The following MAP2K6 variants were observed in gnomAD, a reference collection of about 807,000 sequenced individuals.
MAP2K6 encodes the protein dual specificity mitogen-activated protein kinase kinase 6.
In MAP2K6, 16 loss-of-function variants were observed where a neutral mutation model predicts 53.7. The ratio of observed to expected loss-of-function variants is 0.30; its 90% confidence interval spans 0.20 to 0.45. The LOEUF (loss-of-function observed/expected upper bound fraction) is 0.45. Ranked by LOEUF, MAP2K6 falls within the 20% of genes least tolerant of loss-of-function variation. The probability of loss-of-function intolerance (pLI) is 1.00; values close to 1 mark genes in which losing one functional copy is unlikely to be tolerated. For synonymous variants in MAP2K6, 132 were observed against 143.1 expected, an observed-to-expected ratio of 0.92 and a Z score of 0.55; for missense variants, 204 against 411.9, an observed-to-expected ratio of 0.50 and a Z score of 4.37.
At chr17:69,468,824 CAAAAG>C (rs751807629) in intron 1 of MAP2K6, among the ~76,000 whole-genome samples, 17 of 152,028 alleles carry the variant, frequency 1.1e-4, no homozygotes, top group Non-Finnish European at 2.1e-4. Flanking sequence ...TAAAACAAAA[CAAAAG>C]AAAACAGAAC....
intron 1 of MAP2K6, among the ~76,000 whole-genome samples, chr17:69,503,586 T>C (rs541950721): frequency 6.6e-6 from 1 of 152,302 alleles, no homozygotes; most frequent in Non-Finnish European, 1.5e-5. Flanking sequence ...CGAAGCATAT[T>C]TTTTCCTGGC....
chr17:69,431,994 G>A (rs1313564593), intron 1 of MAP2K6, among the ~76,000 whole-genome samples: 1 of 152,160 alleles, frequency 6.6e-6, no homozygotes, highest in Non-Finnish European at 1.5e-5. Context: ...TGCATATGAG[G>A]CATTAACCCC....
chr17:69,486,855 AC>A (rs1310206974), intron 1 of MAP2K6, among the ~76,000 whole-genome samples: 9 of 152,208 alleles, frequency 5.9e-5, no homozygotes, highest in Non-Finnish European at 1.3e-4. Flanking sequence ...CTGGTGTGGT[AC>A]CCTTCTCAAA....
intron 1 of MAP2K6, among the ~76,000 whole-genome samples, chr17:69,465,623 CT>C (rs142876473): frequency 8.0e-4 from 116 of 144,136 alleles, no homozygotes; most frequent in Middle Eastern, 3.5e-3. Context: ...TTGTTTTTTT[CT>C]TTTTTTTTTT....
In MAP2K6 at chr17:69,491,123, CCTTCCTTCCTTT is replaced by C. The variant is rs565116558; in HGVS notation, c.17-14647_17-14636del. Among the ~76,000 whole-genome samples the C allele has an allele frequency of 4.0e-3, 581 of 146,840 alleles. 3 individuals are homozygous for C. The highest frequency in any genetic ancestry group is 4.1e-3 in the Non-Finnish European group (279 of 67,656). ...CATTGTCTTTTTTCCTTCCTTCCTT[CCTTCCTTCCTTT>C]CTTCCTTCCCTCCTTCCTTCTTTTT... On this transcript the variant is annotated intron_variant, in intron 1 of 11. Coordinates refer to ENST00000590474, the MANE Select transcript of MAP2K6 (RefSeq NM_002758.4).
chr17:69,438,129 G>A (rs571878564), intron 1 of MAP2K6, among the ~76,000 whole-genome samples: 7 of 152,370 alleles, frequency 4.6e-5, no homozygotes, highest in African/African-American at 1.4e-4. Context: ...ACCTTTCCGA[G>A]GGGGACAGGA....
chr17:69,526,889 A>C (rs578178049), intron 10 of MAP2K6, among the ~76,000 whole-genome samples, 180 bp downstream of exon 10: 1 of 152,184 alleles, frequency 6.6e-6, no homozygotes, highest in Non-Finnish European at 1.5e-5. Context: ...CACTGAGCCC[A>C]AAGTCAAGTA....
intron 4 of MAP2K6, among the ~76,000 whole-genome samples, chr17:69,518,783 C>T (rs1229545145): frequency 6.6e-6 from 1 of 152,200 alleles, no homozygotes; most frequent in African/African-American, 2.4e-5. Flanking sequence ...TGTAAGGCTA[C>T]ATTTCCTAGT....
intron 1 of MAP2K6, among the ~76,000 whole-genome samples, chr17:69,463,401 G>A (rs1907688054): frequency 2.0e-5 from 3 of 146,838 alleles, no homozygotes; most frequent in Non-Finnish European, 4.5e-5. Context: ...ATAATTATAT[G>A]TATATATATC....
rs2145129728 is a variant in MAP2K6 at position 69,423,979 on chromosome 17, T to C, written c.16+8979T>C. ...AAAAATAACTCTCCTGCTACCACCA[T>C]TGCCTGGCTTGTTGGTTATCATCAT... On this transcript the variant is annotated intron_variant, in intron 1 of 11. Transcript: ENST00000590474. Among the ~76,000 whole-genome samples the C allele has an allele frequency of 2.6e-5, 4 of 152,292 alleles. No homozygotes were observed. In the South Asian group the frequency reaches 8.3e-4, roughly 32 times the overall value.
chr17:69,457,306 C>T (rs769552226), intron 1 of MAP2K6, among the ~76,000 whole-genome samples: 3 of 152,194 alleles, frequency 2.0e-5, no homozygotes, highest in Non-Finnish European at 4.4e-5. Context: ...CCTGTCTTAT[C>T]TGATGCCTGT....
At chr17:69,446,742 C>T (rs1473636104) in intron 1 of MAP2K6, among the ~76,000 whole-genome samples, 2 of 152,092 alleles carry the variant, frequency 1.3e-5, no homozygotes, top group Non-Finnish European at 1.5e-5. Context: ...ATTTGAGTAC[C>T]CCCCACAGAC....
At chr17:69,511,306 T>G (rs72855568) in intron 2 of MAP2K6, among the ~76,000 whole-genome samples, 5,042 of 152,252 alleles carry the variant, frequency 0.033, 229 homozygotes, top group African/African-American at 0.099. Flanking sequence ...AGGCTTAAAT[T>G]TGTACTCCTA....
intron 1 of MAP2K6, among the ~76,000 whole-genome samples, chr17:69,450,719 T>C (rs1907192725): frequency 6.6e-6 from 1 of 152,030 alleles, no homozygotes; most frequent in South Asian, 2.1e-4. Context: ...TTTTTTTTAG[T>C]TTATTCATTA....
chr17:69,423,016 T>C (rs1906144601), intron 1 of MAP2K6, among the ~76,000 whole-genome samples: 1 of 152,172 alleles, frequency 6.6e-6, no homozygotes, highest in Admixed American at 6.5e-5. Context: ...CCCGAGTAGC[T>C]GGGATTACAG....
Position 69,510,909 on chromosome 17 carries a change from CTTTGT to C in MAP2K6, c.83+5067_83+5071del, listed in dbSNP as rs556532291. Among the ~76,000 whole-genome samples, 10 of 151,360 alleles carry C rather than the reference CTTTGT, an allele frequency of 6.6e-5. No homozygotes were observed. The South Asian group carries it at 1.7e-3, about 25-fold the overall frequency. ...GATTTTTTTTCTTCTGAAGAACCAG[CTTTGT>C]TTTATTTTCCTATTTTCAATTTTAT... On this transcript the variant is annotated intron_variant, in intron 2 of 11. Transcript: ENST00000590474.
At position 69,452,086 on chromosome 17, in the gene MAP2K6, A is replaced by G. The variant is rs184255349; in HGVS notation, c.16+37086A>G. The stretch of plus-strand genomic sequence containing the variant: ...ACAAGAGTGTAGGTAGAGTCTATGG[A>G]CAAGTTCCCCTAACGCAGTGCTTCT... On this transcript the variant is annotated intron_variant, in intron 1 of 11. Coordinates refer to ENST00000590474, the MANE Select transcript of MAP2K6 (RefSeq NM_002758.4). Among the ~76,000 whole-genome samples, 357 of 152,104 alleles carry G rather than the reference A, an allele frequency of 2.3e-3. 1 individual carries two copies. The highest frequency in any genetic ancestry group is 2.6e-3 in the Non-Finnish European group (176 of 68,000).
At chr17:69,481,410 G>A (rs1908347329) in intron 1 of MAP2K6, among the ~76,000 whole-genome samples, 1 of 152,074 alleles carries the variant, frequency 6.6e-6, no homozygotes, top group African/African-American at 2.4e-5. Context: ...ATCTGTCAGT[G>A]GACACTTGGG....
At chr17:69,446,865 T>G (rs1276347059) in intron 1 of MAP2K6, among the ~76,000 whole-genome samples, 1 of 152,122 alleles carries the variant, frequency 6.6e-6, no homozygotes, top group Non-Finnish European at 1.5e-5. Flanking sequence ...ATAAGGTTTT[T>G]TTTTTTTTTA....
Sources: gnomAD v4.1 joint callset for allele counts (sites outside exome capture counted in the v4.1 genomes callset) on GRCh38, gnomAD v4.1.1 for gene constraint, MANE v1.5 for transcripts, NCBI Gene and HGNC (gene_info 2026-07-23, HGNC 2026-07-21) for gene names.